Variants in FHAD1 observed in about 807,000 individuals in gnomAD.
FHAD1 encodes the protein forkhead-associated domain-containing protein 1.
FHAD1 carries 146 observed loss-of-function variants against 191.3 expected under a neutral mutation model. The observed-to-expected ratio is 0.76, with a 90% CI of 0.67 to 0.88. The LOEUF (loss-of-function observed/expected upper bound fraction) is 0.88, where lower values mean the gene tolerates loss of function less well. Ranked by LOEUF, FHAD1 falls within the 40% of genes least tolerant of loss-of-function variation. The pLI is 0.00. For missense variants in FHAD1, 1,635 were observed against 1,785.8 expected (o/e 0.92, Z 1.52); for synonymous variants, 616 against 672.3 (o/e 0.92, Z 1.29).
chr1:15,395,729 C>T (rs970586949), intron 33 of FHAD1, among the ~76,000 whole-genome samples: 7 of 152,334 alleles, frequency 4.6e-5, no homozygotes, highest in African/African-American at 1.7e-4. Context: ...GTCCAACCCG[C>T]AGCCCAGGAC....
At position 15,328,440 on chromosome 1, in the gene FHAD1, C is replaced by G. The variant is rs1271749703; in HGVS notation, c.1710+11C>G. On this transcript the variant is annotated intron_variant, in intron 13 of 33. Coordinates refer to ENST00000688493, the MANE Select transcript of FHAD1 (RefSeq NM_001391957.1). ...CTGGACAGCTGCCAGGTGGCCCCTC[C>G]TTACGCTTTCCACAAATGGTCTCTT... is the stretch of plus-strand genomic sequence containing the variant. 2.1e-6 allele frequency: 3 copies of G among 1,459,600 alleles called. No individual in the cohort carries two copies. The highest frequency in any genetic ancestry group is 2.9e-5 in the African/African-American group (2 of 68,548). 90.4% of individuals were successfully genotyped at this position (1,459,600 alleles called of 1,614,324 possible).
chr1:15,261,293 G>C (rs1003536734), intron 2 of FHAD1, among the ~76,000 whole-genome samples: 4 of 152,206 alleles, frequency 2.6e-5, no homozygotes, highest in African/African-American at 9.7e-5. Context: ...GACGGGCACA[G>C]AGGGTGGGAT....
downstream of FHAD1, among the ~76,000 whole-genome samples, chr1:15,398,750 T>C (rs915426805): frequency 6.7e-6 from 1 of 148,164 alleles, no homozygotes; most frequent in African/African-American, 2.5e-5. Context: ...CATCTATCCG[T>C]GCCCTCACTG....
At chr1:15,274,485 G>A (rs910618949) in intron 3 of FHAD1, among the ~76,000 whole-genome samples, 1 of 151,864 alleles carries the variant, frequency 6.6e-6, no homozygotes, top group Non-Finnish European at 1.5e-5. Flanking sequence ...GGTGGCGGGC[G>A]CCTGTAGTCC....
At position 15,353,001 on chromosome 1, in the gene FHAD1, G is replaced by A. The variant is rs766274103; in HGVS notation, c.2562+17G>A. The A allele has an allele frequency of 2.0e-6, 3 of 1,534,172 alleles. No homozygotes were observed. Among genetic ancestry groups the A allele is most frequent in the East Asian group, 2.5e-5 (1 of 40,780 alleles). ...CAGAAAGAGGTATGAGCCGCAGGGAGGGAGAGACGAGAGGGGCCCAGCACA... is the reference window on the plus strand; with the variant it reads ...CAGAAAGAGGTATGAGCCGCAGGGAAGGAGAGACGAGAGGGGCCCAGCACA... On this transcript the variant is annotated intron_variant, in intron 20 of 33. Transcript: ENST00000688493.
Position 15,331,251 on chromosome 1 carries a change from C to G in FHAD1, c.1906+1710C>G, listed in dbSNP as rs541616399. Among the ~76,000 whole-genome samples, 3 of 152,040 alleles carry G rather than the reference C, an allele frequency of 2.0e-5. No homozygotes were observed. The South Asian group carries it at 6.2e-4, about 32-fold the overall frequency. On this transcript the variant is annotated intron_variant, in intron 14 of 33. Transcript: ENST00000688493. Reference sequence around the variant, plus strand: ...ACAGCTGTTTCCCCAGGTGTCTTGTCTGGGGATAGGTAATAATGATGTATC... The same window carrying G: ...ACAGCTGTTTCCCCAGGTGTCTTGTGTGGGGATAGGTAATAATGATGTATC...
intron 3 of FHAD1, among the ~76,000 whole-genome samples, chr1:15,279,536 T>C (rs1315243924): frequency 2.1e-5 from 3 of 142,098 alleles, no homozygotes; most frequent in South Asian, 4.5e-4. Context: ...CCTATTAAAC[T>C]TTCCGATCCT....
intron 2 of FHAD1, among the ~76,000 whole-genome samples, chr1:15,271,672 C>G (rs1187085926): frequency 6.6e-6 from 1 of 151,328 alleles, no homozygotes; most frequent in Non-Finnish European, 1.5e-5. Context: ...AGTTATAAAA[C>G]TATGTATGTA....
chr1:15,317,815 C>T lies in FHAD1; in HGVS notation c.1261-9C>T. On this transcript the variant is annotated splice_polypyrimidine_tract_variant and intron_variant, in intron 9 of 33. Transcript: ENST00000688493. The stretch of plus-strand genomic sequence containing the variant: ...TCAGGGAGGTTCACTCTTGTTGAAA[C>T]TTTTTCAGCAAATCCAAGACATGGA... The T allele has an allele frequency of 3.2e-6, 5 of 1,549,366 alleles. No individual in the cohort carries two copies. Among genetic ancestry groups the T allele is most frequent in the Non-Finnish European group, 3.5e-6 (4 of 1,144,964 alleles).
chr1:15,308,588 C>T, intron 6 of FHAD1, 25 bp from the exon 7 acceptor site: 3 of 1,551,348 alleles, frequency 1.9e-6, no homozygotes, highest in Non-Finnish European at 2.6e-6. Context: ...CAGCCCCCCT[C>T]TGACTGTGCC....
At chr1:15,394,400 T>G (rs571191008) in intron 33 of FHAD1, among the ~76,000 whole-genome samples, 51 of 152,292 alleles carry the variant, frequency 3.3e-4, no homozygotes, top group African/African-American at 1.1e-3. Flanking sequence ...AAAAGGAATA[T>G]AAAGTAAGGG....
In FHAD1 at chr1:15,308,604, C is replaced by T. The variant is rs1310539847; in HGVS notation, c.916-9C>T. On this transcript the variant is annotated splice_polypyrimidine_tract_variant and intron_variant, in intron 6 of 33. Transcript: ENST00000688493. ...AGCCCCCCTCTGACTGTGCCACCTCCTCCCACAGATCAGTGCCCTACAGAA... is the reference window on the plus strand; with the variant it reads ...AGCCCCCCTCTGACTGTGCCACCTCTTCCCACAGATCAGTGCCCTACAGAA... 1.3e-6 allele frequency: 2 copies of T among 1,551,688 alleles called. No individual in the cohort carries two copies. Among genetic ancestry groups the T allele is most frequent in the Admixed American group, 3.9e-5 (2 of 50,992 alleles).
At chr1:15,253,192 A>G (rs374483354) in intron 2 of FHAD1, among the ~76,000 whole-genome samples, 7 of 144,698 alleles carry the variant, frequency 4.8e-5, no homozygotes, top group East Asian at 2.0e-4. Flanking sequence ...GTGTCAGAGA[A>G]AGAGAGAGAG....
At chr1:15,241,754 A>G (rs991891961) in intron 1 of FHAD1, among the ~76,000 whole-genome samples, 6 of 152,130 alleles carry the variant, frequency 3.9e-5, no homozygotes, top group African/African-American at 1.2e-4. Flanking sequence ...CATGACTGGA[A>G]GGGGTCACAG....
intron 3 of FHAD1, among the ~76,000 whole-genome samples, chr1:15,277,246 C>A (rs77882452): frequency 6.6e-6 from 1 of 152,314 alleles, no homozygotes; most frequent in African/African-American, 2.4e-5. Context: ...TCCTGCCCAA[C>A]ATAAAGAGTG....
At chr1:15,338,628 G>A (rs751399541) in intron 14 of FHAD1, among the ~76,000 whole-genome samples, 35 of 152,162 alleles carry the variant, frequency 2.3e-4, no homozygotes, top group South Asian at 4.1e-4. Context: ...TCAGCCCCGC[G>A]CACCCCTGTT....
intron 14 of FHAD1, among the ~76,000 whole-genome samples, chr1:15,332,577 G>A (rs1317190744): frequency 3.3e-5 from 5 of 152,152 alleles, no homozygotes; most frequent in African/African-American, 1.2e-4. Context: ...AAATTAGCCA[G>A]GCATGGTGGC....
In FHAD1 at chr1:15,381,851, T is replaced by A. The variant is rs1700986749; in HGVS notation, c.4023-177T>A. ...CCTCCCGCTACACACATTCGGCTGATGAATGGCTCGTTCTGCTCTCTGTAC... is the reference window on the plus strand; with the variant it reads ...CCTCCCGCTACACACATTCGGCTGAAGAATGGCTCGTTCTGCTCTCTGTAC... On this transcript the variant is annotated intron_variant, in intron 30 of 33. Coordinates refer to ENST00000688493, the MANE Select transcript of FHAD1 (RefSeq NM_001391957.1). This position sits in a 1 kb window ranked among gnomAD's most constrained non-coding sequence, Gnocchi z 4.6. Among the ~76,000 whole-genome samples, 1 of 151,714 alleles carries A rather than the reference T, an allele frequency of 6.6e-6. No homozygotes were observed. Among genetic ancestry groups the A allele is most frequent in the Non-Finnish European group, 1.5e-5 (1 of 67,980 alleles).
chr1:15,318,674 G>A lies in FHAD1; in HGVS notation c.1365+746G>A, dbSNP rs1016059327. On this transcript the variant is annotated intron_variant, in intron 10 of 33. Transcript: ENST00000688493. This position sits in a 1 kb window ranked among gnomAD's most constrained non-coding sequence, Gnocchi z 4.1. The stretch of plus-strand genomic sequence containing the variant: ...TAATTAAAAATAAATAAAACAAAAC[G>A]TTGCTCCTCAGTTGCCAGCCACGTT... Among the ~76,000 whole-genome samples, 1 of 151,946 alleles carries A rather than the reference G, an allele frequency of 6.6e-6. No homozygotes were observed. Among genetic ancestry groups the A allele is most frequent in the African/African-American group, 2.4e-5 (1 of 41,390 alleles).
Sources: gnomAD v4.1 joint callset for allele counts (sites outside exome capture counted in the v4.1 genomes callset) on GRCh38, gnomAD v4.1.1 for gene constraint, Gnocchi (gnomAD v3.1) non-coding constraint, MANE v1.5 for transcripts, NCBI Gene and HGNC (gene_info 2026-07-23, HGNC 2026-07-21) for gene names.